GART: variants seen among roughly 807,000 people sequenced by gnomAD.
GART encodes phosphoribosylglycinamide formyltransferase, phosphoribosylglycinamide synthetase, phosphoribosylaminoimidazole synthetase, also known as trifunctional purine biosynthetic protein adenosine-3.
In GART, 43 loss-of-function variants were observed where a neutral mutation model predicts 107.2. That is an observed-to-expected ratio of 0.40 (90% CI 0.31 to 0.52). GART has a LOEUF of 0.52. Ranked by LOEUF, GART falls within the 20% of genes least tolerant of loss-of-function variation. The probability of loss-of-function intolerance (pLI) is 0.52; values close to 1 mark genes in which losing one functional copy is unlikely to be tolerated. For missense variants in GART, 1,107 were observed against 1,206.5 expected (o/e 0.92, Z 1.22); for synonymous variants, 434 against 427.0 (o/e 1.02, Z -0.20).
At position 33,524,816 on chromosome 21, in the gene GART, A is replaced by G. The variant is rs1183004281; in HGVS notation, c.1251T>C (p.Tyr417=). ...LAAIKFEGAI[Y]RKDVGFRAIA... ...TGGCACGAAAGCCGACGTCTTTCCT[A>G]TAAATTGCTCCCTCAAACTTTATAG... Residue 417 remains tyrosine (Y), a synonymous_variant, in exon 11 of 22, where the codon TAT becomes TAC. Coordinates refer to ENST00000381815, the MANE Select transcript of GART (RefSeq NM_000819.5). The G allele has an allele frequency of 6.2e-7, 1 of 1,614,116 alleles. No individual in the cohort carries two copies. The highest frequency in any genetic ancestry group is 1.3e-5 in the African/African-American group (1 of 74,948).
In GART at chr21:33,503,968, G is replaced by T; in HGVS notation, c.*156C>A. The stretch of plus-strand genomic sequence containing the variant: ...GCTGCACTAACTAGTCTTGTTTTTA[G>T]TGAGTCTCTATTTATTAAAAAAATA... On this transcript the variant is annotated 3_prime_UTR_variant, in exon 22 of 22. Coordinates refer to ENST00000381815, the MANE Select transcript of GART (RefSeq NM_000819.5). 1 of 592,394 alleles carries T rather than the reference G, an allele frequency of 1.7e-6. No individual in the cohort carries two copies. The highest frequency in any genetic ancestry group is 2.8e-6 in the Non-Finnish European group (1 of 353,968). 36.7% of individuals were successfully genotyped at this position (592,394 alleles called of 1,614,324 possible).
At chr21:33,524,722 G>C (rs758093585) in intron 11 of GART, 47 bp downstream of exon 11, 4 of 1,612,472 alleles carry the variant, frequency 2.5e-6, no homozygotes, top group Non-Finnish European at 3.4e-6. Context: ...TAGCCATTTA[G>C]GCCAGTTTCT....
At chr21:33,509,753 C>T (rs1333321160) in intron 18 of GART, 30 bp downstream of exon 18, 1 of 1,610,814 alleles carries the variant, frequency 6.2e-7, no homozygotes, top group Non-Finnish European at 8.5e-7. Flanking sequence ...CAGTCAACAG[C>T]TCTACAGTGA....
intron 7 of GART, among the ~76,000 whole-genome samples, chr21:33,530,087 G>T (rs1277850720): frequency 6.6e-6 from 1 of 152,194 alleles, no homozygotes; most frequent in Non-Finnish European, 1.5e-5. Context: ...AGCTACTTGT[G>T]AGGCTGAGGC....
chr21:33,529,589 A>C (rs1175351078), intron 7 of GART: 2 of 151,348 alleles, frequency 1.3e-5, no homozygotes, highest in Non-Finnish European at 2.9e-5. Flanking sequence ...AGTAGCTGGG[A>C]CTGGGACTAC....
chr21:33,536,547 T>C (rs912366043), intron 2 of GART, among the ~76,000 whole-genome samples: 7 of 152,220 alleles, frequency 4.6e-5, no homozygotes, highest in African/African-American at 1.7e-4. Flanking sequence ...CTGAACGCTA[T>C]ATATATAGTA....
intron 2 of GART, among the ~76,000 whole-genome samples, chr21:33,536,823 A>T (rs189391692): frequency 9.2e-4 from 140 of 152,336 alleles, no homozygotes; most frequent in Middle Eastern, 3.4e-3. Context: ...ACGGCACAAA[A>T]TTTCATCATG....
chr21:33,536,226 TTTAAG>T (rs143570153), intron 2 of GART, among the ~76,000 whole-genome samples: 5 of 152,272 alleles, frequency 3.3e-5, no homozygotes, highest in East Asian at 1.9e-4. Context: ...GGCAGAGCTG[TTTAAG>T]TTAAGAACTC....
chr21:33,529,074 G>C, intron 7 of GART, 137 bp from the exon 8 acceptor site: 5 of 532,626 alleles, frequency 9.4e-6, no homozygotes, highest in Middle Eastern at 5.1e-4. Context: ...CTTTGAACTT[G>C]AAAGATTTAA....
intron 11 of GART, among the ~76,000 whole-genome samples, chr21:33,522,719 A>G (rs751309953): frequency 1.3e-5 from 2 of 152,204 alleles, no homozygotes; most frequent in African/African-American, 2.4e-5. Flanking sequence ...CGGCACCATC[A>G]TCCATCTCCA....
chr21:33,528,835 T>G lies in GART; in HGVS notation c.811+15A>C. On this transcript the variant is annotated intron_variant, in intron 8 of 21. Coordinates refer to ENST00000381815, the MANE Select transcript of GART (RefSeq NM_000819.5). ...ACTCTATAGGTGGCTTCCATAGTAA[T>G]GTGGGTGGGCCTACCTGTATATGGA... 1.3e-6 allele frequency: 2 copies of G among 1,570,118 alleles called. 1 individual carries two copies. Among genetic ancestry groups the G allele is most frequent in the South Asian group, 2.3e-5 (2 of 88,398 alleles).
At chr21:33,518,982 C>A in intron 14 of GART, 1 of 341,942 alleles carries the variant, frequency 2.9e-6, no homozygotes. Context: ...CATACTCACC[C>A]CTTCAATACC....
intron 20 of GART, among the ~76,000 whole-genome samples, chr21:33,504,954 A>G (rs1402959209): frequency 6.6e-6 from 1 of 152,228 alleles, no homozygotes; most frequent in African/African-American, 2.4e-5. Context: ...TGTCTATTTT[A>G]TATCACACCA....
chr21:33,505,523 T>C (rs1601166041), intron 20 of GART, 38 bp downstream of exon 20: 3 of 1,557,296 alleles, frequency 1.9e-6, no homozygotes, highest in Non-Finnish European at 2.6e-6. Flanking sequence ...CCATTTTCAA[T>C]TGATTTCCCA....
chr21:33,539,273 G>A lies in GART; in HGVS notation c.43C>T (p.His15Tyr). The change falls in exon 2 of 22, where the codon CAT (histidine) becomes TAT (tyrosine). Residue 15 changes from histidine to tyrosine, a missense_variant. Transcript: ENST00000381815. ...TGTGCAAGTTTCCAGGCCAGCGTAT[G>A]TTCCCTTCCTCCACTGCCAATTATA... The part of the protein sequence containing the change: ...VLIIGSGGRE[H>Y]TLAWKLAQSH... 1 of 1,614,094 alleles carries A rather than the reference G, an allele frequency of 6.2e-7. No homozygotes were observed.
chr21:33,518,648 T>A (rs1481638309), intron 14 of GART: 6 of 402,386 alleles, frequency 1.5e-5, no homozygotes, highest in African/African-American at 2.1e-5. Context: ...ACTTCATATT[T>A]TTTCTTCTTC....
chr21:33,520,260 T>C (rs1232251021), intron 14 of GART, 104 bp downstream of exon 14: 17 of 921,726 alleles, frequency 1.8e-5, no homozygotes, highest in Non-Finnish European at 2.4e-5. Flanking sequence ...TCTTGTGATA[T>C]ACAGTCTCTC....
intron 17 of GART, chr21:33,510,308 C>T (rs1322381538): frequency 1.3e-5 from 2 of 158,152 alleles, no homozygotes; most frequent in South Asian, 3.9e-4. Context: ...GCTTGATATG[C>T]GATGTTAAGA....
intron 2 of GART, among the ~76,000 whole-genome samples, chr21:33,538,045 C>A (rs1217222599): frequency 6.6e-6 from 1 of 151,804 alleles, no homozygotes; most frequent in African/African-American, 2.4e-5. Flanking sequence ...GAGTTTGAGA[C>A]CAGCCTGACC....
Sources: allele counts gnomAD v4.1 joint callset (sites outside exome capture counted in the v4.1 genomes callset), GRCh38; gene constraint gnomAD v4.1.1; transcripts MANE v1.5; gene names NCBI Gene and HGNC (gene_info 2026-07-23, HGNC 2026-07-21).